DNAH9: variants seen among roughly 807,000 people sequenced by gnomAD.
DNAH9 encodes dynein axonemal heavy chain 9.
A neutral mutation model predicts 471.6 loss-of-function variants in DNAH9; 345 were observed. That is an observed-to-expected ratio of 0.73 (90% CI 0.67 to 0.80). The LOEUF (loss-of-function observed/expected upper bound fraction) is 0.80. DNAH9 is among the 30% of genes least tolerant of loss of function. The pLI, the probability that DNAH9 is intolerant of heterozygous loss-of-function variation, is 0.00. For missense variants in DNAH9, 5,407 were observed against 5,609.2 expected (o/e 0.96, Z 1.15); for synonymous variants, 2,093 against 2,123.6 (o/e 0.99, Z 0.40).
rs1241914150 is a variant in DNAH9, at chr17:11,640,399, C to G, written c.1901+15C>G. The G allele has an allele frequency of 1.3e-6, 2 of 1,532,914 alleles. No homozygotes were observed. Among genetic ancestry groups the G allele is most frequent in the East Asian group, 2.2e-5 (1 of 44,508 alleles). The allele number at this position is 1,532,914 out of a possible 1,614,324, so 95.0% of individuals were successfully genotyped here. A position where few individuals can be genotyped will look rare whatever the true frequency, so the allele number is the denominator to read the frequency against. ...ATCACACACCCGTGAGTATTGTGTTCCTGAAAGACAGGCTTGTCTTGGGCT... is the reference window on the plus strand; with the variant it reads ...ATCACACACCCGTGAGTATTGTGTTGCTGAAAGACAGGCTTGTCTTGGGCT... On this transcript the variant is annotated intron_variant, in intron 10 of 68. Coordinates refer to ENST00000262442, the MANE Select transcript of DNAH9 (RefSeq NM_001372.4).
intron 49 of DNAH9, among the ~76,000 whole-genome samples, chr17:11,836,732 C>T (rs955534615): frequency 6.6e-6 from 1 of 152,230 alleles, no homozygotes; most frequent in Non-Finnish European, 1.5e-5. Context: ...CATTCCAGAT[C>T]CATGCCTTCT....
intron 40 of DNAH9, 93 bp downstream of exon 40, chr17:11,783,841 A>T: frequency 1.0e-6 from 1 of 994,732 alleles, no homozygotes; most frequent in Admixed American, 2.2e-5. Context: ...CTTTTTCCCC[A>T]TGCAGCCTCT....
intron 38 of DNAH9, among the ~76,000 whole-genome samples, chr17:11,780,330 A>G (rs926853327): frequency 6.6e-6 from 1 of 152,238 alleles, no homozygotes; most frequent in East Asian, 1.9e-4. Flanking sequence ...CCACCAAGGA[A>G]AATCCCACGA....
At chr17:11,951,245 GT>G (rs1217882115) in intron 67 of DNAH9, among the ~76,000 whole-genome samples, 4 of 152,160 alleles carry the variant, frequency 2.6e-5, no homozygotes, top group African/African-American at 7.2e-5. Context: ...AGTATGGCCT[GT>G]TTTTTTAAAA....
intron 57 of DNAH9, among the ~76,000 whole-genome samples, chr17:11,889,905 G>A (rs1489502340): frequency 2.6e-5 from 4 of 152,228 alleles, no homozygotes; most frequent in Non-Finnish European, 5.9e-5. Flanking sequence ...TCTGGAGGAT[G>A]CTGTGGAAGT....
chr17:11,872,367 G>T (rs947559932), intron 52 of DNAH9, among the ~76,000 whole-genome samples: 1 of 113,498 alleles, frequency 8.8e-6, no homozygotes. Flanking sequence ...TACATCACCC[G>T]CCCCCCACCC....
intron 20 of DNAH9, among the ~76,000 whole-genome samples, chr17:11,691,812 T>C (rs1182724637): frequency 6.6e-6 from 1 of 152,170 alleles, no homozygotes; most frequent in Admixed American, 6.5e-5. Context: ...TTTGTTTTTG[T>C]TTTTGTTTTG....
At chr17:11,785,652 A>G (rs886510424) in intron 41 of DNAH9, among the ~76,000 whole-genome samples, 1 of 152,220 alleles carries the variant, frequency 6.6e-6, no homozygotes, top group Non-Finnish European at 1.5e-5. Flanking sequence ...AGGCTAGTTC[A>G]GGATACCACT....
chr17:11,815,615 C>T (rs925750751), intron 45 of DNAH9, among the ~76,000 whole-genome samples: 2 of 152,080 alleles, frequency 1.3e-5, no homozygotes, highest in Non-Finnish European at 2.9e-5. Flanking sequence ...ATGGCAAAAC[C>T]TTATCTCTAT....
intron 22 of DNAH9, among the ~76,000 whole-genome samples, chr17:11,695,372 C>A (rs1225527933): frequency 6.6e-6 from 1 of 152,032 alleles, no homozygotes; most frequent in East Asian, 1.9e-4. Flanking sequence ...TGGCCAAACT[C>A]GATAGCTAAA....
At chr17:11,766,305 T>G (rs1299569917) in intron 36 of DNAH9, among the ~76,000 whole-genome samples, 1 of 143,690 alleles carries the variant, frequency 7.0e-6, no homozygotes. Context: ...AGTTCCCATT[T>G]AAAAAAAAAA....
intron 23 of DNAH9, among the ~76,000 whole-genome samples, chr17:11,700,437 A>G (rs1485498285): frequency 6.6e-6 from 1 of 152,174 alleles, no homozygotes; most frequent in East Asian, 1.9e-4. Context: ...AAGGGACACA[A>G]ACCACGGGAC....
chr17:11,861,097 AC>A (rs1418824294), intron 50 of DNAH9, among the ~76,000 whole-genome samples: 1 of 151,206 alleles, frequency 6.6e-6, no homozygotes, highest in Non-Finnish European at 1.5e-5. Context: ...ACATATGTAT[AC>A]ATGTGCCATG....
At chr17:11,967,129 A>G (rs1976802456) in intron 68 of DNAH9, among the ~76,000 whole-genome samples, 1 of 151,458 alleles carries the variant, frequency 6.6e-6, no homozygotes, top group South Asian at 2.1e-4. Flanking sequence ...TTTTAAGACT[A>G]GGTGACTAAC....
chr17:11,624,168 T>C (rs2072926808), intron 6 of DNAH9, among the ~76,000 whole-genome samples: 1 of 152,188 alleles, frequency 6.6e-6, no homozygotes, highest in South Asian at 2.1e-4. Flanking sequence ...AAAATTAACA[T>C]GTTTCAAGAA....
chr17:11,702,046 C>T (rs1294667689), intron 24 of DNAH9, among the ~76,000 whole-genome samples: 2 of 152,160 alleles, frequency 1.3e-5, no homozygotes, highest in East Asian at 3.9e-4. Flanking sequence ...TTCATGAGGT[C>T]TGGGGACACG....
chr17:11,612,629 A>G (rs1404352194), intron 4 of DNAH9: 2 of 152,218 alleles, frequency 1.3e-5, no homozygotes, highest in Non-Finnish European at 2.9e-5. Flanking sequence ...ACGCTTATCA[A>G]AATTGCCAAG....
chr17:11,865,837 C>G (rs994655501), intron 50 of DNAH9, among the ~76,000 whole-genome samples: 27 of 152,238 alleles, frequency 1.8e-4, no homozygotes, highest in Non-Finnish European at 3.4e-4. Context: ...CTGCATTCTT[C>G]ATGTAGTTCT....
chr17:11,849,547 C>T (rs1971339718), intron 49 of DNAH9, among the ~76,000 whole-genome samples: 1 of 152,238 alleles, frequency 6.6e-6, no homozygotes, highest in Non-Finnish European at 1.5e-5. Flanking sequence ...AAGCTTGCTT[C>T]TGCCACAGGC....
Sources: gnomAD v4.1 joint callset for allele counts (sites outside exome capture counted in the v4.1 genomes callset) on GRCh38, gnomAD v4.1.1 for gene constraint, MANE v1.5 for transcripts, NCBI Gene and HGNC (gene_info 2026-07-23, HGNC 2026-07-21) for gene names.